The following CSMD1 variants were observed in gnomAD, a reference collection of about 807,000 sequenced individuals.
The protein encoded by CSMD1 is CUB and sushi domain-containing protein 1.
In CSMD1, 213 loss-of-function variants were observed where a neutral mutation model predicts 417.5. The ratio of observed to expected loss-of-function variants is 0.51; its 90% CI spans 0.46 to 0.57. The LOEUF is 0.57. CSMD1 is among the 20% of genes least tolerant of loss of function. The pLI is 0.00. For synonymous variants in CSMD1, 2,862 were observed against 1,736.8 expected, an observed-to-expected ratio of 1.65 and a Z score of -16.11; for missense variants, 6,923 against 4,529.7, an observed-to-expected ratio of 1.53 and a Z score of -15.17.
chr8:3,986,727 G>A (rs886606500), intron 5 of CSMD1, among the ~76,000 whole-genome samples: 26 of 151,830 alleles, frequency 1.7e-4, no homozygotes, highest in African/African-American at 3.6e-4. Flanking sequence ...TTTCAGTTTT[G>A]CTCAAAGGCC....
At chr8:4,098,243 TA>T (rs1801126381) in intron 3 of CSMD1, among the ~76,000 whole-genome samples, 1 of 152,194 alleles carries the variant, frequency 6.6e-6, no homozygotes, top group Admixed American at 6.5e-5. Flanking sequence ...TATATTACAA[TA>T]AATACAATGT....
At chr8:3,169,429 A>T (rs1820444875) in intron 37 of CSMD1, among the ~76,000 whole-genome samples, 1 of 152,192 alleles carries the variant, frequency 6.6e-6, no homozygotes, top group Non-Finnish European at 1.5e-5. Context: ...AAAAAAGACA[A>T]ATATTGTATG....
At chr8:3,188,479 A>G (rs1012211838) in intron 35 of CSMD1, among the ~76,000 whole-genome samples, 6 of 151,078 alleles carry the variant, frequency 4.0e-5, no homozygotes, top group Non-Finnish European at 8.9e-5. Flanking sequence ...GCTAGTTTTT[A>G]TATTTTTAGT....
chr8:3,102,766 C>T (rs182481775), intron 46 of CSMD1, among the ~76,000 whole-genome samples: 11 of 151,796 alleles, frequency 7.2e-5, no homozygotes, highest in Non-Finnish European at 1.2e-4. Context: ...GGAGTGTTTC[C>T]GTTAAATATT....
At chr8:3,506,457 G>T (rs993941453) in intron 10 of CSMD1, among the ~76,000 whole-genome samples, 1 of 152,118 alleles carries the variant, frequency 6.6e-6, no homozygotes, top group Non-Finnish European at 1.5e-5. Context: ...CTCACCACTG[G>T]TCATGGCCAG....
chr8:2,993,620 G>A (rs1585110082), intron 54 of CSMD1, among the ~76,000 whole-genome samples: 2 of 152,290 alleles, frequency 1.3e-5, no homozygotes, highest in East Asian at 1.9e-4. Context: ...TCATTAAAAT[G>A]AAGGAAGCAC....
At chr8:4,048,735 C>T (rs1356138101) in intron 3 of CSMD1, among the ~76,000 whole-genome samples, 1 of 152,138 alleles carries the variant, frequency 6.6e-6, no homozygotes, top group African/African-American at 2.4e-5. Flanking sequence ...ACATGTATAT[C>T]TATAGAACTA....
intron 10 of CSMD1, among the ~76,000 whole-genome samples, chr8:3,508,237 A>C (rs1335760236): frequency 1.8e-4 from 27 of 152,010 alleles, no homozygotes; most frequent in Non-Finnish European, 4.0e-4. Context: ...TGAGGCACTT[A>C]AGTGGTGTCT....
chr8:3,710,271 T>A (rs1801433703), intron 6 of CSMD1, among the ~76,000 whole-genome samples: 1 of 152,132 alleles, frequency 6.6e-6, no homozygotes, highest in African/African-American at 2.4e-5. Context: ...CCTATGCTGC[T>A]CAAGGGTTAA....
intron 1 of CSMD1, among the ~76,000 whole-genome samples, chr8:4,758,045 A>G (rs950578019): frequency 1.3e-5 from 2 of 151,774 alleles, no homozygotes; most frequent in Admixed American, 6.6e-5. Flanking sequence ...TCCCTTTAGG[A>G]TATCTTCTTT....
chr8:4,013,056 T>A (rs1309855977), intron 4 of CSMD1, among the ~76,000 whole-genome samples: 3 of 152,206 alleles, frequency 2.0e-5, no homozygotes, highest in Non-Finnish European at 2.9e-5. Flanking sequence ...TCAGCTTATG[T>A]TCTTTTCTCA....
chr8:4,731,685 G>C (rs1191907319), intron 1 of CSMD1, among the ~76,000 whole-genome samples: 1 of 152,142 alleles, frequency 6.6e-6, no homozygotes, highest in African/African-American at 2.4e-5. Flanking sequence ...CTGAAGACTA[G>C]CACTGTTTCA....
intron 2 of CSMD1, among the ~76,000 whole-genome samples, chr8:4,442,519 C>T (rs377225282): frequency 1.3e-5 from 2 of 152,088 alleles, no homozygotes; most frequent in African/African-American, 4.8e-5. Context: ...TTCCTTATGT[C>T]TGTTTACCTG....
At chr8:4,581,621 C>T (rs191141032) in intron 2 of CSMD1, among the ~76,000 whole-genome samples, 1 of 152,226 alleles carries the variant, frequency 6.6e-6, no homozygotes, top group Admixed American at 6.5e-5. Flanking sequence ...GGAATTGATT[C>T]CTCAGTGTTA....
chr8:3,130,373 T>C (rs1817730706), intron 41 of CSMD1, among the ~76,000 whole-genome samples: 1 of 152,138 alleles, frequency 6.6e-6, no homozygotes, highest in South Asian at 2.1e-4. Flanking sequence ...GTGTTGGAGC[T>C]GAAAGCCTCC....
At chr8:4,074,285 T>G (rs934989145) in intron 3 of CSMD1, among the ~76,000 whole-genome samples, 1 of 152,018 alleles carries the variant, frequency 6.6e-6, no homozygotes, top group South Asian at 2.1e-4. Flanking sequence ...TGAAACGGTG[T>G]CAGCTAAACA....
At chr8:4,307,606 C>G (rs1351889121) in intron 3 of CSMD1, among the ~76,000 whole-genome samples, 6 of 152,140 alleles carry the variant, frequency 3.9e-5, no homozygotes, top group African/African-American at 1.4e-4. Flanking sequence ...ACCCACCCAA[C>G]TTGTGAAATA....
At chr8:4,569,709 G>A (rs576752839) in intron 2 of CSMD1, among the ~76,000 whole-genome samples, 91 of 152,212 alleles carry the variant, frequency 6.0e-4, no homozygotes, top group African/African-American at 2.1e-3. Flanking sequence ...GAATAGCATT[G>A]AATCTATATA....
intron 12 of CSMD1, among the ~76,000 whole-genome samples, chr8:3,462,550 T>A (rs757076074): frequency 6.6e-6 from 1 of 152,204 alleles, no homozygotes; most frequent in African/African-American, 2.4e-5. Context: ...TACCTGATGA[T>A]CTGTCACTGT....
Sources: allele counts gnomAD v4.1 joint callset (sites outside exome capture counted in the v4.1 genomes callset), GRCh38; gene constraint gnomAD v4.1.1; transcripts MANE v1.5; gene names NCBI Gene and HGNC (gene_info 2026-07-23, HGNC 2026-07-21).